CAPN3: variants seen among roughly 807,000 people sequenced by gnomAD.
CAPN3 encodes calpain 3.
A neutral mutation model predicts 114.0 loss-of-function variants in CAPN3; 88 were observed. The ratio of observed to expected loss-of-function variants is 0.77; its 90% CI spans 0.65 to 0.92. CAPN3 has a LOEUF of 0.92. CAPN3 is among the 40% of genes least tolerant of loss of function. The probability of loss-of-function intolerance (pLI) is 0.00; values close to 1 mark genes in which losing one functional copy is unlikely to be tolerated. For missense variants in CAPN3, 1,028 were observed against 1,069.0 expected (o/e 0.96, Z 0.53); for synonymous variants, 386 against 382.9 (o/e 1.01, Z -0.09).
intron 22 of CAPN3, 51 bp downstream of exon 22, chr15:42,411,051 G>T: frequency 1.4e-6 from 2 of 1,393,924 alleles, no homozygotes; most frequent in Non-Finnish European, 2.0e-6. Flanking sequence ...GGCAGTTGTG[G>T]CAACAGGCAT....
chr15:42,390,529 C>T (rs1161136829), intron 6 of CAPN3, among the ~76,000 whole-genome samples: 1 of 152,086 alleles, frequency 6.6e-6, no homozygotes, highest in Non-Finnish European at 1.5e-5. Context: ...GCAAGGTCTC[C>T]CTCTTGTAGA....
intron 9 of CAPN3, among the ~76,000 whole-genome samples, chr15:42,397,735 A>G (rs2053741997): frequency 6.6e-6 from 1 of 152,138 alleles, no homozygotes; most frequent in African/African-American, 2.4e-5. Context: ...AAACTATAAT[A>G]GAGACGGGCC....
chr15:42,410,724 GGAGGGGA>G, intron 21 of CAPN3, 58 bp downstream of exon 21: 7 of 1,468,510 alleles, frequency 4.8e-6, no homozygotes, highest in Non-Finnish European at 5.7e-6. Context: ...AGCAGGAATG[GGAGGGGA>G]CTAGGCTACT....
chr15:42,397,636 C>T (rs2053736034), intron 9 of CAPN3, among the ~76,000 whole-genome samples: 1 of 146,306 alleles, frequency 6.8e-6, no homozygotes, highest in Non-Finnish European at 1.5e-5. Flanking sequence ...AAGAGAGACT[C>T]TGTCTTGGAA....
chr15:42,369,374 C>T (rs2052872773), intron 1 of CAPN3, among the ~76,000 whole-genome samples: 1 of 152,044 alleles, frequency 6.6e-6, no homozygotes, highest in South Asian at 2.1e-4. Context: ...GGTGATGCTC[C>T]TGCTCTGTCA....
intron 6 of CAPN3, among the ~76,000 whole-genome samples, chr15:42,391,362 C>G (rs2053551174): frequency 6.6e-6 from 1 of 152,046 alleles, no homozygotes; most frequent in South Asian, 2.1e-4. Flanking sequence ...GAATGATATG[C>G]TTAGGTAATG....
chr15:42,374,427 T>G (rs1344396448), intron 1 of CAPN3: 3 of 152,200 alleles, frequency 2.0e-5, no homozygotes, highest in Non-Finnish European at 4.4e-5. Flanking sequence ...GGCCCAGAAG[T>G]GCCTCTTTGA....
intron 1 of CAPN3, among the ~76,000 whole-genome samples, chr15:42,376,452 A>G (rs536882758): frequency 2.4e-4 from 37 of 151,984 alleles, no homozygotes; most frequent in African/African-American, 8.5e-4. Context: ...TCGTAATCCA[A>G]TACTGCTTTA....
chr15:42,385,955 G>C (rs2053392441), intron 2 of CAPN3: 1 of 725,450 alleles, frequency 1.4e-6, no homozygotes, highest in Non-Finnish European at 2.5e-6. Flanking sequence ...AGTCACAAGG[G>C]AGTAAGTTAC....
chr15:42,386,210 C>T lies in CAPN3; in HGVS notation c.423C>T (p.Asn141=). 1.2e-6 allele frequency: 2 copies of T among 1,614,160 alleles called. No individual in the cohort carries two copies. Among genetic ancestry groups the T allele is most frequent in the Non-Finnish European group, 1.7e-6 (2 of 1,179,994 alleles). The change falls in exon 3 of 24, where the codon AAC becomes AAT. Residue 141 remains asparagine, a synonymous_variant. Transcript: ENST00000397163. ...CAGCCATTGCCTGCCTGACCCTGAA[C>T]CAGCACCTTCTTTTCCGAGTCATAC... ...FLAAIACLTL[N]QHLLFRVIPH...
rs1011574532 is a variant in CAPN3, at chr15:42,402,149, A to G, written c.1536+14A>G. 7 of 1,613,936 alleles carry G rather than the reference A, an allele frequency of 4.3e-6. No homozygotes were observed. Among genetic ancestry groups the G allele is most frequent in the Non-Finnish European group, 5.1e-6 (6 of 1,179,996 alleles). On this transcript the variant is annotated intron_variant, in intron 12 of 23. Coordinates refer to ENST00000397163, the MANE Select transcript of CAPN3 (RefSeq NM_000070.3). Reference sequence around the variant, plus strand: ...GTTCCCAAAGAGGTATAGCAGCAGCAGCGGCCAGCAGTTGTGTGCAGCACT... The same window carrying G: ...GTTCCCAAAGAGGTATAGCAGCAGCGGCGGCCAGCAGTTGTGTGCAGCACT...
chr15:42,392,801 C>G (rs2053596097), intron 7 of CAPN3, 79 bp downstream of exon 7: 1 of 1,155,536 alleles, frequency 8.7e-7, no homozygotes, highest in African/African-American at 1.5e-5. Context: ...CTGTTGGGGC[C>G]CCTTCCCTGT....
intron 14 of CAPN3, chr15:42,404,873 C>G: frequency 9.5e-7 from 1 of 1,048,474 alleles, no homozygotes; most frequent in South Asian, 3.6e-5. Flanking sequence ...GGGATCTGTT[C>G]TGGTCATCTG....
In CAPN3 at chr15:42,410,632, C is replaced by G; in HGVS notation, c.2229C>G (p.Asn743Lys). The change falls in exon 21 of 24, where the codon AAC (asparagine) becomes AAG (lysine). Residue 743 changes from asparagine to lysine, a missense_variant. Coordinates refer to ENST00000397163, the MANE Select transcript of CAPN3 (RefSeq NM_000070.3). ...ACACAGACCAGTCCGGCACCATCAA[C>G]AGCTACGAGATGCGAAATGCAGTCA... ...HYDTDQSGTINSYEMRNAVND... is the reference protein window; with the variant it reads ...HYDTDQSGTIKSYEMRNAVND... 2 of 1,613,964 alleles carry G rather than the reference C, an allele frequency of 1.2e-6. No individual in the cohort carries two copies.
At chr15:42,410,059 C>G in intron 19 of CAPN3, 64 bp downstream of exon 19, 49 of 1,459,790 alleles carry the variant, frequency 3.4e-5, no homozygotes, top group Non-Finnish European at 4.6e-5. Context: ...AGGCAACATA[C>G]AGGGTGCCCA....
intron 13 of CAPN3, among the ~76,000 whole-genome samples, chr15:42,403,253 A>C (rs764618842): frequency 2.6e-5 from 4 of 152,260 alleles, no homozygotes; most frequent in African/African-American, 7.2e-5. Context: ...CCCTGCCTTC[A>C]TGGAGCTTAA....
At chr15:42,411,716 A>G (rs778892458) in intron 23 of CAPN3, 31 bp from the exon 24 acceptor site, 25 of 817,678 alleles carry the variant, frequency 3.1e-5, no homozygotes, top group South Asian at 2.8e-4. Context: ...CTCTTTTCTG[A>G]TCTACATTCT....
chr15:42,406,182 A>C (rs2054015749), intron 15 of CAPN3, among the ~76,000 whole-genome samples: 1 of 152,188 alleles, frequency 6.6e-6, no homozygotes, highest in African/African-American at 2.4e-5. Context: ...CCTTCCTCAC[A>C]ACAGCCCTAT....
chr15:42,402,319 C>A, intron 12 of CAPN3, 184 bp downstream of exon 12: 2 of 1,532,194 alleles, frequency 1.3e-6, no homozygotes, highest in Non-Finnish European at 1.7e-6. Flanking sequence ...CCCATGACTA[C>A]CACCCCCAGG....
Sources: allele counts gnomAD v4.1 joint callset (sites outside exome capture counted in the v4.1 genomes callset), GRCh38; gene constraint gnomAD v4.1.1; transcripts MANE v1.5; gene names NCBI Gene and HGNC (gene_info 2026-07-23, HGNC 2026-07-21).